Variants in FRMD3 observed in about 807,000 individuals in gnomAD.
The protein encoded by FRMD3 is FERM domain-containing protein 3.
In FRMD3, 33 loss-of-function variants were observed where a neutral mutation model predicts 70.2. The ratio of observed to expected loss-of-function variants is 0.47; its 90% CI spans 0.36 to 0.63. The LOEUF is 0.63. FRMD3 is among the 20% of genes least tolerant of loss of function. The pLI, the probability that FRMD3 is intolerant of heterozygous loss-of-function variation, is 0.00. For missense variants in FRMD3, 632 were observed against 711.4 expected, an observed-to-expected ratio of 0.89 and a Z score of 1.27; for synonymous variants, 279 against 255.9, an observed-to-expected ratio of 1.09 and a Z score of -0.86.
intron 1 of FRMD3, among the ~76,000 whole-genome samples, chr9:83,514,380 A>G (rs755774113): frequency 3.3e-5 from 5 of 152,208 alleles, no homozygotes; most frequent in Non-Finnish European, 5.9e-5. Flanking sequence ...ACCGAAGCTC[A>G]GCAAAGCTGC....
intron 1 of FRMD3, among the ~76,000 whole-genome samples, chr9:83,536,593 C>T (rs1056614130): frequency 1.3e-5 from 2 of 152,158 alleles, no homozygotes; most frequent in African/African-American, 2.4e-5. Flanking sequence ...GAAACACTGC[C>T]TATCCTGCTA....
intron 1 of FRMD3, among the ~76,000 whole-genome samples, chr9:83,486,096 A>C (rs1446989763): frequency 2.6e-5 from 4 of 152,144 alleles, no homozygotes; most frequent in African/African-American, 9.7e-5. Flanking sequence ...CAGAGAATTA[A>C]TACCTCCTTG....
chr9:83,545,012 T>C, the FRMD3 span, among the ~76,000 whole-genome samples: 1 of 151,996 alleles, frequency 6.6e-6, no homozygotes, highest in Non-Finnish European at 1.5e-5. Flanking sequence ...ACACTAAATA[T>C]CTAACAATGG....
chr9:83,439,899 A>C (rs1384813330), intron 1 of FRMD3, among the ~76,000 whole-genome samples: 1 of 152,232 alleles, frequency 6.6e-6, no homozygotes, highest in Non-Finnish European at 1.5e-5. Context: ...TGGTAGAAAG[A>C]CTAGATATAA....
At chr9:83,318,271 C>G (rs1485657479) in intron 6 of FRMD3, among the ~76,000 whole-genome samples, 2 of 152,136 alleles carry the variant, frequency 1.3e-5, no homozygotes. Context: ...CTTGTACTTT[C>G]CAATGTCTAT....
At chr9:83,502,452 G>A (rs1405734755) in intron 1 of FRMD3, among the ~76,000 whole-genome samples, 1 of 152,204 alleles carries the variant, frequency 6.6e-6, no homozygotes, top group Non-Finnish European at 1.5e-5. Flanking sequence ...GAAAAGAAAT[G>A]AGTTATTTGG....
chr9:83,369,469 A>C (rs1824898484), intron 3 of FRMD3, among the ~76,000 whole-genome samples: 1 of 151,810 alleles, frequency 6.6e-6, no homozygotes, highest in South Asian at 2.1e-4. Context: ...CCAGCTACTC[A>C]GGGAGGCTGA....
At chr9:83,254,086 AG>A (rs1410600532) in intron 13 of FRMD3, among the ~76,000 whole-genome samples, 1 of 145,148 alleles carries the variant, frequency 6.9e-6, no homozygotes, top group African/African-American at 2.6e-5. Context: ...GAACACAGGA[AG>A]GGGAACATCA....
chr9:83,267,031 C>G (rs769603491), intron 13 of FRMD3: 1 of 1,550,950 alleles, frequency 6.4e-7, no homozygotes, highest in South Asian at 1.2e-5. Flanking sequence ...GAGCTGTGAC[C>G]TTGGAGCCGA....
intron 1 of FRMD3, among the ~76,000 whole-genome samples, chr9:83,398,731 G>A (rs1378051297): frequency 6.6e-6 from 1 of 152,180 alleles, no homozygotes; most frequent in Non-Finnish European, 1.5e-5. Context: ...ATAATTAGTA[G>A]CTAAAGCTAA....
rs4877747 is a variant in FRMD3, at chr9:83,248,259, C to A, written c.1453G>T (p.Asp485Tyr). Residue 485 changes from aspartate (D) to tyrosine (Y), a missense_variant, in exon 14 of 14, where the codon GAT becomes TAT. By Grantham distance (160) the Asp-to-Tyr change is radical. Around this residue, in one of 3 missense-constraint regions of FRMD3, gnomAD observed 418 missense variants for 442.1 expected, o/e 0.95. Coordinates refer to ENST00000304195, the MANE Select transcript of FRMD3 (RefSeq NM_174938.6). ...AAGGCGTTTTCATCTGCTTCCAGAT[C>A]CTCAAATGAATCTGTGTCTTCTCTT... ...LEREDTDSFE[D>Y]LEADENAFLI... is the part of the protein sequence containing the mutation. 0.03 allele frequency: 49,155 copies of A among 1,614,134 alleles called. 941 individuals carry two copies. Among genetic ancestry groups the A allele is most frequent in the East Asian group, 0.085 (3,821 of 44,868 alleles).
chr9:83,259,483 T>G (rs1371966710), intron 13 of FRMD3, among the ~76,000 whole-genome samples: 1 of 152,158 alleles, frequency 6.6e-6, no homozygotes, highest in South Asian at 2.1e-4. Flanking sequence ...TCAAAGTATC[T>G]CACACTTTGA....
chr9:83,518,793 C>G (rs1207578855), intron 1 of FRMD3, among the ~76,000 whole-genome samples: 4 of 152,152 alleles, frequency 2.6e-5, no homozygotes, highest in East Asian at 1.9e-4. Context: ...CCAAAACAGA[C>G]ATATAGACCA....
At chr9:83,482,290 C>T (rs1056534352) in intron 1 of FRMD3, among the ~76,000 whole-genome samples, 2 of 152,182 alleles carry the variant, frequency 1.3e-5, no homozygotes, top group African/African-American at 4.8e-5. Context: ...GTGTATAATT[C>T]ACAAAATAAT....
At chr9:83,474,664 A>G (rs1026887410) in intron 1 of FRMD3, among the ~76,000 whole-genome samples, 5 of 152,174 alleles carry the variant, frequency 3.3e-5, no homozygotes, top group Admixed American at 6.6e-5. Context: ...AAATTTAAAC[A>G]TTAACATCTC....
At chr9:83,535,668 G>C (rs1019017634) in intron 1 of FRMD3, among the ~76,000 whole-genome samples, 1 of 151,436 alleles carries the variant, frequency 6.6e-6, no homozygotes, top group Non-Finnish European at 1.5e-5. Flanking sequence ...TGTATTTTAT[G>C]TGTGGCCCAA....
At chr9:83,360,765 A>G (rs948593774) in intron 3 of FRMD3, among the ~76,000 whole-genome samples, 1 of 152,236 alleles carries the variant, frequency 6.6e-6, no homozygotes, top group Non-Finnish European at 1.5e-5. Context: ...GCATAAGCAT[A>G]AAGTTAAAAA....
chr9:83,309,607 T>G lies in FRMD3; in HGVS notation c.855A>C (p.Ala285=). ...GTQKEKKAML[A]FHTSTPAACK... is the part of the protein sequence containing the mutation. ...AGGCAGCTGGTGTTGAAGTATGGAATGCCAACATGGCTTTTTTCTAATTAA... is the reference window on the plus strand; with the variant it reads ...AGGCAGCTGGTGTTGAAGTATGGAAGGCCAACATGGCTTTTTTCTAATTAA... Residue 285 remains alanine, a synonymous_variant, in exon 10 of 14, where the codon GCA becomes GCC. Coordinates refer to ENST00000304195, the MANE Select transcript of FRMD3 (RefSeq NM_174938.6). 2 of 1,589,926 alleles carry G rather than the reference T, an allele frequency of 1.3e-6. No individual in the cohort carries two copies. Among genetic ancestry groups the G allele is most frequent in the Non-Finnish European group, 1.7e-6 (2 of 1,167,586 alleles).
At chr9:83,506,617 G>A (rs1311798416) in intron 1 of FRMD3, among the ~76,000 whole-genome samples, 7 of 152,296 alleles carry the variant, frequency 4.6e-5, no homozygotes, top group East Asian at 1.9e-4. Context: ...GGGTGAGTGC[G>A]TGGTGACTGG....
Sources: gnomAD v4.1 joint callset for allele counts (sites outside exome capture counted in the v4.1 genomes callset) on GRCh38, gnomAD v4.1.1 for gene constraint, gnomAD v4.1.1 regional missense constraint, MANE v1.5 for transcripts, NCBI Gene and HGNC (gene_info 2026-07-23, HGNC 2026-07-21) for gene names.